TAFA2: variants seen among roughly 807,000 people sequenced by gnomAD.
TAFA2 encodes chemokine-like protein TAFA-2.
A neutral mutation model predicts 18.8 loss-of-function variants in TAFA2; 7 were observed. The ratio of observed to expected loss-of-function variants is 0.37; its 90% CI spans 0.21 to 0.70. The LOEUF (loss-of-function observed/expected upper bound fraction) is 0.70, where lower values mean the gene tolerates loss of function less well. Ranked by LOEUF, TAFA2 falls within the 30% of genes least tolerant of loss-of-function variation. The pLI, the probability that TAFA2 is intolerant of heterozygous loss-of-function variation, is 0.53. For missense variants in TAFA2, 122 were observed against 158.1 expected (o/e 0.77, Z 1.23); for synonymous variants, 60 against 54.2 (o/e 1.11, Z -0.47).
chr12:62,073,527 C>T (rs1412133451), intron 1 of TAFA2, among the ~76,000 whole-genome samples: 2 of 150,050 alleles, frequency 1.3e-5, no homozygotes, highest in Non-Finnish European at 3.0e-5. Context: ...TAAGAAAACA[C>T]CTTTGAGGTA....
At chr12:61,760,900 TC>T (rs1187046374) in intron 2 of TAFA2, among the ~76,000 whole-genome samples, 1 of 151,890 alleles carries the variant, frequency 6.6e-6, no homozygotes, top group Non-Finnish European at 1.5e-5. Context: ...CTGAAATTTT[TC>T]CTCCATGGAC....
intron 1 of TAFA2, among the ~76,000 whole-genome samples, chr12:62,062,146 C>CT (rs1289027256): frequency 6.6e-6 from 1 of 152,028 alleles, no homozygotes; most frequent in Non-Finnish European, 1.5e-5. Context: ...TGCACTCCAG[C>CT]CTGGATGACA....
intron 1 of TAFA2, among the ~76,000 whole-genome samples, chr12:62,055,009 AT>A (rs1882151082): frequency 6.6e-6 from 1 of 152,180 alleles, no homozygotes; most frequent in East Asian, 1.9e-4. Flanking sequence ...CATGTGTTAA[AT>A]TCTAATGGTC....
At chr12:61,865,303 T>C (rs1415215926) in intron 2 of TAFA2, among the ~76,000 whole-genome samples, 1 of 152,182 alleles carries the variant, frequency 6.6e-6, no homozygotes, top group African/African-American at 2.4e-5. Flanking sequence ...ACACTAGTAA[T>C]CATTTTATGA....
intron 1 of TAFA2, among the ~76,000 whole-genome samples, chr12:62,067,989 T>C (rs1471350064): frequency 1.3e-5 from 2 of 151,848 alleles, no homozygotes; most frequent in Admixed American, 1.3e-4. Context: ...TTCAGATTCT[T>C]CTAAAAAAAG....
chr12:62,110,058 G>A (rs144087118), intron 1 of TAFA2, among the ~76,000 whole-genome samples: 5 of 145,700 alleles, frequency 3.4e-5, no homozygotes, highest in African/African-American at 9.8e-5. Context: ...TCATGTTTTC[G>A]TTTTCAAAGG....
At chr12:62,173,077 T>A (rs542917969) in intron 1 of TAFA2, among the ~76,000 whole-genome samples, 7 of 152,268 alleles carry the variant, frequency 4.6e-5, no homozygotes, top group African/African-American at 1.4e-4. Flanking sequence ...CAAGAAATGT[T>A]AGCTTCATGT....
intron 2 of TAFA2, among the ~76,000 whole-genome samples, chr12:61,856,554 A>G (rs927320709): frequency 7.9e-5 from 12 of 152,052 alleles, no homozygotes; most frequent in Admixed American, 3.3e-4. Context: ...AGAGGTTTAC[A>G]ATTTGACAAC....
At chr12:62,001,626 G>A (rs75452909) in intron 1 of TAFA2, among the ~76,000 whole-genome samples, 20,714 of 151,950 alleles carry the variant, frequency 0.14, 1,840 homozygotes, top group East Asian at 0.36. Context: ...GAGCTCAGGC[G>A]GTAATGCAAG....
At chr12:61,726,497 T>C (rs1374639477) in intron 4 of TAFA2, among the ~76,000 whole-genome samples, 1 of 152,106 alleles carries the variant, frequency 6.6e-6, no homozygotes, top group Non-Finnish European at 1.5e-5. Context: ...TGTGCAGCTA[T>C]TGTAAAAGTA....
rs150610949 is a variant in TAFA2, at chr12:62,085,348, C to T, written c.-2+105911G>A. Among the ~76,000 whole-genome samples, 18 of 152,226 alleles carry T rather than the reference C, an allele frequency of 1.2e-4. No homozygotes were observed. The East Asian group carries it at 3.5e-3, about 29-fold the overall frequency. ...ATGTTATGTTTTATCCCAAGCTTAG[C>T]AGATTGAGATAAATCTAATTAACAA... is the stretch of plus-strand genomic sequence containing the variant. On this transcript the variant is annotated intron_variant, in intron 1 of 4. Coordinates refer to ENST00000416284, the MANE Select transcript of TAFA2 (RefSeq NM_178539.5).
At chr12:61,844,646 T>C (rs1013898067) in intron 2 of TAFA2, among the ~76,000 whole-genome samples, 1 of 152,096 alleles carries the variant, frequency 6.6e-6, no homozygotes, top group Non-Finnish European at 1.5e-5. Flanking sequence ...TTTGTTCTGC[T>C]AAAATAGGAA....
chr12:62,118,887 C>T (rs1051295027), intron 1 of TAFA2, among the ~76,000 whole-genome samples: 1 of 152,108 alleles, frequency 6.6e-6, no homozygotes, highest in South Asian at 2.1e-4. Flanking sequence ...TAGTTTGTGA[C>T]AGTACTTCTC....
At chr12:61,911,507 T>G (rs1277773954) in intron 1 of TAFA2, among the ~76,000 whole-genome samples, 1 of 152,220 alleles carries the variant, frequency 6.6e-6, no homozygotes, top group Non-Finnish European at 1.5e-5. Context: ...TAGTTTCACC[T>G]AGGCTACAAA....
chr12:61,901,964 C>G (rs1473375148), intron 1 of TAFA2, among the ~76,000 whole-genome samples: 1 of 152,026 alleles, frequency 6.6e-6, no homozygotes, highest in Admixed American at 6.6e-5. Context: ...TAACTTCTAT[C>G]AAACACAGTT....
chr12:62,086,680 A>T (rs348673), intron 1 of TAFA2, among the ~76,000 whole-genome samples: 54,845 of 152,088 alleles, frequency 0.36, 10,241 homozygotes, highest in East Asian at 0.48. Flanking sequence ...TGTAGAGAAA[A>T]TGAAATCTTG....
chr12:62,251,252 T>C (rs1045075411), intron 1 of TAFA2, among the ~76,000 whole-genome samples: 4 of 152,132 alleles, frequency 2.6e-5, no homozygotes, highest in African/African-American at 7.2e-5. Context: ...ATACAGAACA[T>C]GCAGATCTAG....
At chr12:62,176,760 G>A (rs2062517167) in intron 1 of TAFA2, among the ~76,000 whole-genome samples, 1 of 152,030 alleles carries the variant, frequency 6.6e-6, no homozygotes, top group African/African-American at 2.4e-5. Flanking sequence ...TTCTAAAATT[G>A]AAAAAGGGGG....
intron 1 of TAFA2, among the ~76,000 whole-genome samples, chr12:61,960,669 T>C (rs1878852699): frequency 6.6e-6 from 1 of 151,894 alleles, no homozygotes; most frequent in South Asian, 2.1e-4. Context: ...CAATTATAAG[T>C]CCCTGTTTGG....
Sources: gnomAD v4.1 joint callset for allele counts (sites outside exome capture counted in the v4.1 genomes callset) on GRCh38, gnomAD v4.1.1 for gene constraint, MANE v1.5 for transcripts, NCBI Gene and HGNC (gene_info 2026-07-23, HGNC 2026-07-21) for gene names.